The following GHITM variants were observed in gnomAD, a reference collection of about 807,000 sequenced individuals.
GHITM encodes growth hormone inducible transmembrane protein, also known as growth hormone-inducible transmembrane protein.
Under a neutral mutation model 38.7 loss-of-function variants are expected in GHITM, and 24 were observed. That is an observed-to-expected ratio of 0.62 (90% CI 0.45 to 0.87). The LOEUF is 0.87. Among genes scored for constraint, GHITM ranks in the 40% least tolerant of loss-of-function variants. The pLI is 0.00. For missense variants in GHITM, 420 were observed against 429.8 expected (o/e 0.98, Z 0.20); for synonymous variants, 154 against 147.8 (o/e 1.04, Z -0.30).
rs760112782 is a variant in GHITM at position 84,144,045 on chromosome 10, G to A, written c.280G>A (p.Gly94Arg). 1 of 1,614,088 alleles carries A rather than the reference G, an allele frequency of 6.2e-7. No individual in the cohort carries two copies. Among genetic ancestry groups the A allele is most frequent in the Non-Finnish European group, 8.5e-7 (1 of 1,179,972 alleles). The change falls in exon 4 of 9, where the codon GGA becomes AGA. Residue 94 changes from glycine (G) to arginine (R), a missense_variant. Coordinates refer to ENST00000372134, the MANE Select transcript of GHITM (RefSeq NM_014394.3). The part of the protein sequence containing the change: ...FVAGGAAVGL[G>R]ALCYYGLGLS... Reference sequence around the variant, plus strand: ...TGCTGGAGGGGCTGCTGTTGGTCTTGGAGCATTGTGCTACTATGGCTTGGG... The same window carrying A: ...TGCTGGAGGGGCTGCTGTTGGTCTTAGAGCATTGTGCTACTATGGCTTGGG...
intron 7 of GHITM, 94 bp from the exon 8 acceptor site, chr10:84,150,615 C>T: frequency 1.0e-6 from 1 of 979,346 alleles, no homozygotes; most frequent in South Asian, 1.7e-5. Context: ...ACACAGTATA[C>T]CAAGGAGATT....
At chr10:84,145,551 TAAAGC>T (rs745583902) in intron 5 of GHITM, among the ~76,000 whole-genome samples, 3 of 152,208 alleles carry the variant, frequency 2.0e-5, no homozygotes, top group Non-Finnish European at 4.4e-5. Context: ...ACTAAAAAAA[TAAAGC>T]AAATGCAAAA....
chr10:84,144,662 G>A (rs920681072), intron 4 of GHITM, among the ~76,000 whole-genome samples: 4 of 152,120 alleles, frequency 2.6e-5, no homozygotes, highest in African/African-American at 9.7e-5. Context: ...CCAAAAATAT[G>A]TTGTTTTTTA....
intron 5 of GHITM, among the ~76,000 whole-genome samples, chr10:84,147,023 T>C (rs1841563228): frequency 6.6e-6 from 1 of 152,122 alleles, no homozygotes; most frequent in South Asian, 2.1e-4. Context: ...CGACCAGATA[T>C]GGAAGGAGAT....
In GHITM at chr10:84,151,842, T is replaced by C. The variant is rs979546849; in HGVS notation, c.954-422T>C. Among the ~76,000 whole-genome samples the C allele has an allele frequency of 7.2e-5, 11 of 152,314 alleles. No homozygotes were observed. In the East Asian group the frequency reaches 2.1e-3, roughly 29 times the overall value. Reference sequence around the variant, plus strand: ...TGGTTTAGGGGGAAGAAAAAGTTGCTGTACTGTAAAGCTTACAGATTTGTA... The same window carrying C: ...TGGTTTAGGGGGAAGAAAAAGTTGCCGTACTGTAAAGCTTACAGATTTGTA... On this transcript the variant is annotated intron_variant, in intron 8 of 8. Coordinates refer to ENST00000372134, the MANE Select transcript of GHITM (RefSeq NM_014394.3).
Position 84,150,151 on chromosome 10 carries a change from C to G in GHITM, c.689C>G (p.Ser230Cys). Reference sequence around the variant, plus strand: ...ACAGCTGGCATTGTGGGAGGCCTCTCCACTGTGGCCATGTGTGCGCCCAGT... The same window carrying G: ...ACAGCTGGCATTGTGGGAGGCCTCTGCACTGTGGCCATGTGTGCGCCCAGT... ...WYTAGIVGGL[S>C]TVAMCAPSEK... Residue 230 changes from serine to cysteine, a missense_variant, in exon 7 of 9, where the codon TCC (serine) becomes TGC (cysteine). Coordinates refer to ENST00000372134, the MANE Select transcript of GHITM (RefSeq NM_014394.3). 1.9e-6 allele frequency: 3 copies of G among 1,613,960 alleles called. No individual in the cohort carries two copies. Among genetic ancestry groups the G allele is most frequent in the Non-Finnish European group, 2.5e-6 (3 of 1,179,892 alleles).
At chr10:84,148,047 A>G (rs1185151352) in intron 5 of GHITM, among the ~76,000 whole-genome samples, 1 of 152,114 alleles carries the variant, frequency 6.6e-6, no homozygotes, top group African/African-American at 2.4e-5. Flanking sequence ...ACAAAAATAT[A>G]TTTTTTAATT....
At position 84,142,713 on chromosome 10, in the gene GHITM, A is replaced by G. The variant is rs1841519344; in HGVS notation, c.188A>G (p.Lys63Arg). ...IRRGRTGQEL[K>R]EAALEPSMEK... Reference sequence around the variant, plus strand: ...CGTGGGAGAACTGGCCAAGAACTCAAAGAGGCAGCATTGGAACCATCGATG... The same window carrying G: ...CGTGGGAGAACTGGCCAAGAACTCAGAGAGGCAGCATTGGAACCATCGATG... The change falls in exon 3 of 9, where the codon AAA becomes AGA. Residue 63 changes from lysine (K) to arginine (R), a missense_variant. Coordinates refer to ENST00000372134, the MANE Select transcript of GHITM (RefSeq NM_014394.3). The G allele has an allele frequency of 6.2e-7, 1 of 1,612,126 alleles. No individual in the cohort carries two copies. Among genetic ancestry groups the G allele is most frequent in the Admixed American group, 1.7e-5 (1 of 59,888 alleles).
Position 84,144,935 on chromosome 10 carries a change from T to C in GHITM, c.402T>C (p.Ser134=), listed in dbSNP as rs781159594. 4 of 1,609,968 alleles carry C rather than the reference T, an allele frequency of 2.5e-6. No homozygotes were observed. In the East Asian group the frequency reaches 8.9e-5, roughly 36 times the overall value. Residue 134 remains serine, a synonymous_variant, in exon 5 of 9, where the codon AGT becomes AGC. Transcript: ENST00000372134. The part of the protein sequence containing the change: ...IHSTYMYLAG[S]IGLTALSAIA... ...CCACCTATATGTACTTAGCAGGGAG[T>C]ATTGGTTTAACAGCTTTGTCTGCCA...
intron 5 of GHITM, 48 bp downstream of exon 5, chr10:84,145,064 T>C: frequency 6.9e-7 from 1 of 1,456,660 alleles, no homozygotes; most frequent in Non-Finnish European, 9.4e-7. Flanking sequence ...GATCAAAAGA[T>C]TAGATAAAAT....
At chr10:84,149,972 A>AT in intron 6 of GHITM, 83 bp from the exon 7 acceptor site, 1 of 1,110,340 alleles carries the variant, frequency 9.0e-7, no homozygotes, top group Non-Finnish European at 1.3e-6. Context: ...GTAAGGTATA[A>AT]TATAAAGTGG....
At chr10:84,143,796 T>C (rs1157654108) in intron 3 of GHITM, among the ~76,000 whole-genome samples, 199 bp from the exon 4 acceptor site, 2 of 152,208 alleles carry the variant, frequency 1.3e-5, no homozygotes, top group Non-Finnish European at 2.9e-5. Flanking sequence ...CCTTTCTTTT[T>C]TGTACTGATT....
Position 84,145,009 on chromosome 10 carries a change from C to G in GHITM, c.476C>G (p.Ser159Cys). 6.3e-7 allele frequency: 1 copy of G among 1,595,026 alleles called. No individual in the cohort carries two copies. The highest frequency in any genetic ancestry group is 8.5e-7 in the Non-Finnish European group (1 of 1,170,246). ...PVLMNFMMRG[S>C]WVTIGVTFAA... is the part of the protein sequence containing the mutation. ...CTCATGAACTTCATGATGAGAGGCTCTTGGGTGGTAAGTCAGCTGTTTTTG... is the reference window on the plus strand; with the variant it reads ...CTCATGAACTTCATGATGAGAGGCTGTTGGGTGGTAAGTCAGCTGTTTTTG... Residue 159 changes from serine to cysteine, a missense_variant, in exon 5 of 9, where the codon TCT becomes TGT. Physicochemically the swap from Ser to Cys is moderately radical, Grantham distance 112. Coordinates refer to ENST00000372134, the MANE Select transcript of GHITM (RefSeq NM_014394.3).
At chr10:84,145,591 G>A (rs1451990015) in intron 5 of GHITM, among the ~76,000 whole-genome samples, 1 of 152,226 alleles carries the variant, frequency 6.6e-6, no homozygotes, top group Admixed American at 6.5e-5. Flanking sequence ...AGAGGGAAAT[G>A]CCTATGCAGT....
intron 5 of GHITM, among the ~76,000 whole-genome samples, chr10:84,145,490 A>G (rs1249282781): frequency 1.3e-5 from 2 of 152,236 alleles, no homozygotes; most frequent in Non-Finnish European, 2.9e-5. Context: ...TACAGAGACA[A>G]CATTTTTGTC....
At chr10:84,151,296 T>A (rs149561549) in intron 8 of GHITM, among the ~76,000 whole-genome samples, 15 of 152,348 alleles carry the variant, frequency 9.8e-5, no homozygotes, top group Admixed American at 3.3e-4. Context: ...CCAATGGCTT[T>A]GTCAGATTTC....
intron 6 of GHITM, among the ~76,000 whole-genome samples, chr10:84,149,641 G>A (rs1285417523): frequency 6.6e-6 from 1 of 152,190 alleles, no homozygotes; most frequent in African/African-American, 2.4e-5. Context: ...TGTCTTAGAA[G>A]TTCCCACATT....
At chr10:84,141,343 T>C (rs1841504020) in intron 1 of GHITM, 119 bp from the exon 2 acceptor site, 8 of 594,344 alleles carry the variant, frequency 1.3e-5, no homozygotes, top group Non-Finnish European at 2.4e-5. Flanking sequence ...CTTTATTTCC[T>C]GTTCTACTAA....
rs1841630305 is a variant in GHITM at position 84,153,504 on chromosome 10, T to G, written c.*1156T>G. On this transcript the variant is annotated 3_prime_UTR_variant, in exon 9 of 9. Coordinates refer to ENST00000372134, the MANE Select transcript of GHITM (RefSeq NM_014394.3). ...CTACACCATTACTTTCTTGAGACAT[T>G]TGTAAGTTCTTTGATACAGAAGAGT... 6.6e-6 allele frequency among the ~76,000 whole-genome samples: 1 copy of G among 152,214 alleles called. No homozygotes were observed. Among genetic ancestry groups the G allele is most frequent in the Non-Finnish European group, 1.5e-5 (1 of 68,032 alleles).
Sources: gnomAD v4.1 joint callset for allele counts (sites outside exome capture counted in the v4.1 genomes callset) on GRCh38, gnomAD v4.1.1 for gene constraint, MANE v1.5 for transcripts, NCBI Gene and HGNC (gene_info 2026-07-23, HGNC 2026-07-21) for gene names.